The following PAN3 variants were observed in gnomAD, a reference collection of about 807,000 sequenced individuals.
PAN3 encodes PAN2-PAN3 deadenylation complex subunit PAN3.
Under a neutral mutation model 96.2 loss-of-function variants are expected in PAN3, and 19 were observed. That is an observed-to-expected ratio of 0.20 (90% CI 0.14 to 0.29). The LOEUF is 0.29. Ranked by LOEUF, PAN3 falls within the 10% of genes least tolerant of loss-of-function variation. The probability of loss-of-function intolerance (pLI) is 1.00; values close to 1 mark genes in which losing one functional copy is unlikely to be tolerated. For missense variants in PAN3, 882 were observed against 1,108.1 expected (o/e 0.80, Z 2.90); for synonymous variants, 433 against 406.6 (o/e 1.06, Z -0.78).
intron 17 of PAN3, among the ~76,000 whole-genome samples, chr13:28,287,153 CCTT>C (rs1344760917): frequency 2.0e-5 from 3 of 152,182 alleles, no homozygotes; most frequent in Non-Finnish European, 4.4e-5. Flanking sequence ...GAAGGAGCAT[CCTT>C]CTTCTGGGAA....
intron 6 of PAN3, among the ~76,000 whole-genome samples, chr13:28,248,556 G>A (rs967785174): frequency 4.0e-5 from 6 of 151,702 alleles, no homozygotes; most frequent in African/African-American, 7.3e-5. Flanking sequence ...ACAGGGACTC[G>A]CTCTGTCACT....
chr13:28,139,624 G>A (rs577775804), intron 1 of PAN3, among the ~76,000 whole-genome samples: 1 of 151,814 alleles, frequency 6.6e-6, no homozygotes, highest in African/African-American at 2.4e-5. Context: ...GTTTGTAGAA[G>A]GCTTGCGGGA....
chr13:28,257,758 AATTATAT>A (rs1332211530), intron 7 of PAN3, among the ~76,000 whole-genome samples: 2 of 137,916 alleles, frequency 1.5e-5, no homozygotes, highest in African/African-American at 2.7e-5. Context: ...ATATATAATT[AATTATAT>A]ATTATATATA....
intron 1 of PAN3, among the ~76,000 whole-genome samples, chr13:28,144,929 A>G (rs1870425789): frequency 6.6e-6 from 1 of 151,638 alleles, no homozygotes; most frequent in African/African-American, 2.4e-5. Flanking sequence ...CATCTTGGCC[A>G]GGCTGGTCTT....
intron 1 of PAN3, among the ~76,000 whole-genome samples, chr13:28,154,436 GAT>G (rs1337864612): frequency 6.6e-6 from 1 of 151,798 alleles, no homozygotes; most frequent in African/African-American, 2.4e-5. Flanking sequence ...TTGGTGCATA[GAT>G]ATGACAACTT....
chr13:28,288,583 C>T (rs1005601053), intron 18 of PAN3, among the ~76,000 whole-genome samples: 5 of 152,116 alleles, frequency 3.3e-5, no homozygotes, highest in Admixed American at 2.6e-4. Flanking sequence ...TGAGCCACTG[C>T]GCCTGGCCTT....
chr13:28,280,375 T>G, intron 15 of PAN3, 37 bp from the exon 16 acceptor site: 1 of 1,575,898 alleles, frequency 6.3e-7, no homozygotes, highest in Non-Finnish European at 8.6e-7. Flanking sequence ...AAATTGCATG[T>G]TGGACATCCA....
chr13:28,203,092 A>G (rs991017014), intron 5 of PAN3, among the ~76,000 whole-genome samples: 3 of 151,396 alleles, frequency 2.0e-5, no homozygotes, highest in Non-Finnish European at 4.4e-5. Flanking sequence ...CCTCCCAAGT[A>G]GCTGGGACCA....
intron 4 of PAN3, among the ~76,000 whole-genome samples, chr13:28,186,563 T>C (rs1321153544): frequency 6.6e-6 from 1 of 152,250 alleles, no homozygotes; most frequent in African/African-American, 2.4e-5. Flanking sequence ...GTTTATCTAA[T>C]TATGTACAAG....
chr13:28,214,444 A>C (rs911972632), intron 5 of PAN3: 1 of 218,546 alleles, frequency 4.6e-6, no homozygotes, highest in Non-Finnish European at 9.0e-6. Flanking sequence ...TGAGTGAAAG[A>C]ACCCAATCAA....
intron 4 of PAN3, among the ~76,000 whole-genome samples, chr13:28,183,249 T>C (rs1255846053): frequency 2.0e-5 from 3 of 152,200 alleles, no homozygotes; most frequent in Non-Finnish European, 2.9e-5. Flanking sequence ...GTAAAATGAC[T>C]GTTTTTAGGT....
intron 1 of PAN3, among the ~76,000 whole-genome samples, chr13:28,141,463 T>G (rs36113895): frequency 6.3e-4 from 54 of 85,766 alleles, no homozygotes; most frequent in Middle Eastern, 6.6e-3. Context: ...TCTTTTTTTC[T>G]TTTTTTTTTT....
chr13:28,215,603 A>G, intron 5 of PAN3: 6 of 893,234 alleles, frequency 6.7e-6, no homozygotes, highest in South Asian at 5.8e-5. Flanking sequence ...ATTGCCACAC[A>G]GCCCATGTTG....
At chr13:28,288,926 A>C (rs1311761573) in intron 18 of PAN3, among the ~76,000 whole-genome samples, 5 of 143,878 alleles carry the variant, frequency 3.5e-5, no homozygotes, top group Non-Finnish European at 7.5e-5. Context: ...TCCCGGGTTC[A>C]CGCCATTCTC....
chr13:28,250,624 C>G (rs1298732823), intron 6 of PAN3, among the ~76,000 whole-genome samples: 1 of 152,168 alleles, frequency 6.6e-6, no homozygotes, highest in East Asian at 1.9e-4. Flanking sequence ...GCCTCGGCCT[C>G]CCAAAGTGCT....
At chr13:28,179,349 T>A (rs2138127422) in intron 4 of PAN3, among the ~76,000 whole-genome samples, 2 of 152,338 alleles carry the variant, frequency 1.3e-5, no homozygotes, top group Middle Eastern at 3.4e-3. Context: ...TATCTGGAGC[T>A]TTTTATGGGA....
intron 14 of PAN3, among the ~76,000 whole-genome samples, chr13:28,276,856 T>A (rs888107559): frequency 2.0e-5 from 3 of 152,196 alleles, no homozygotes; most frequent in African/African-American, 7.2e-5. Flanking sequence ...ACCTTAAATT[T>A]GTTGTAATAG....
chr13:28,227,937 G>C (rs1254841127), intron 6 of PAN3, among the ~76,000 whole-genome samples: 1 of 152,210 alleles, frequency 6.6e-6, no homozygotes, highest in Non-Finnish European at 1.5e-5. Flanking sequence ...GAACTGAGAA[G>C]CAGAGAGAAC....
rs45514000 is a variant in PAN3, at chr13:28,280,520, C to A, written c.2298C>A (p.Val766=). Residue 766 remains valine (V), a synonymous_variant, in exon 16 of 19, where the codon GTC becomes GTA. Coordinates refer to ENST00000380958, the MANE Select transcript of PAN3 (RefSeq NM_175854.8). ...ATGCTGCTCAAATGAGAAATGATGT[C>A]ATAGAGGAAGACCTTGCAAAGGTAA... ...QLDAAQMRND[V]IEEDLAKEVQ... 3.3e-3 allele frequency: 5,081 copies of A among 1,557,894 alleles called. 139 individuals carry two copies. In the African/African-American group the frequency reaches 0.061, roughly 19 times the overall value.
Sources: allele counts gnomAD v4.1 joint callset (sites outside exome capture counted in the v4.1 genomes callset), GRCh38; gene constraint gnomAD v4.1.1; transcripts MANE v1.5; gene names NCBI Gene and HGNC (gene_info 2026-07-23, HGNC 2026-07-21).